The following METTL2B variants were observed in gnomAD, a reference collection of about 807,000 sequenced individuals.
METTL2B encodes methyltransferase 2B, tRNA N3-cytidine, also known as tRNA N(3)-cytidine methyltransferase METTL2B.
METTL2B carries 28 observed loss-of-function variants against 51.0 expected under a neutral mutation model. The observed-to-expected ratio is 0.55, with a 90% CI of 0.41 to 0.75. The LOEUF (loss-of-function observed/expected upper bound fraction) is 0.75, where lower values mean the gene tolerates loss of function less well. Among genes scored for constraint, METTL2B ranks in the 30% least tolerant of loss-of-function variants. The probability of loss-of-function intolerance (pLI) is 0.00; values close to 1 mark genes in which losing one functional copy is unlikely to be tolerated. For synonymous variants in METTL2B, 128 were observed against 166.3 expected (o/e 0.77, Z 1.77); for missense variants, 313 against 460.7 (o/e 0.68, Z 2.93).
chr7:128,493,213 T>C (rs1307386787), intron 5 of METTL2B, among the ~76,000 whole-genome samples: 2 of 152,154 alleles, frequency 1.3e-5, no homozygotes, highest in Admixed American at 1.3e-4. Flanking sequence ...TACTTTTTTT[T>C]TTTTCTTTTC....
chr7:128,493,817 A>G lies in METTL2B; in HGVS notation c.683A>G (p.Tyr228Cys), dbSNP rs532613589. Reference protein sequence around the residue: ...AIELVQTNSEYDPSRCFAFVH... With the variant: ...AIELVQTNSECDPSRCFAFVH... The stretch of plus-strand genomic sequence containing the variant: ...ACCTGTCTGCAGACAAATTCAGAAT[A>G]TGATCCTTCTCGGTGTTTTGCCTTT... Residue 228 changes from tyrosine to cysteine, a missense_variant, in exon 6 of 9, where the codon TAT becomes TGT. By Grantham distance (194) the Tyr-to-Cys change is radical. Coordinates refer to ENST00000262432, the MANE Select transcript of METTL2B (RefSeq NM_018396.3). 1.2e-6 allele frequency: 2 copies of G among 1,608,512 alleles called. No homozygotes were observed. Among genetic ancestry groups the G allele is most frequent in the East Asian group, 4.5e-5 (2 of 44,844 alleles).
intron 2 of METTL2B, among the ~76,000 whole-genome samples, chr7:128,478,347 T>C (rs1799829064): frequency 6.6e-6 from 1 of 151,328 alleles, no homozygotes; most frequent in Non-Finnish European, 1.5e-5. Context: ...TCCTCCCTGG[T>C]TGAAGCGATT....
Position 128,477,063 on chromosome 7 carries a change from G to T in METTL2B, c.111-19G>T. The stretch of plus-strand genomic sequence containing the variant: ...AGCCAGGACGTGAAGCCCCTAAGCT[G>T]CCCGTTTGATTTTCTCAGGGACAAT... On this transcript the variant is annotated intron_variant, in intron 1 of 8. Coordinates refer to ENST00000262432, the MANE Select transcript of METTL2B (RefSeq NM_018396.3). 1 of 1,614,164 alleles carries T rather than the reference G, an allele frequency of 6.2e-7. No individual in the cohort carries two copies.
chr7:128,479,884 T>C (rs982073673), intron 3 of METTL2B, among the ~76,000 whole-genome samples: 1 of 152,260 alleles, frequency 6.6e-6, no homozygotes, highest in African/African-American at 2.4e-5. Flanking sequence ...TCTCTTCTAA[T>C]ACAGTTACAG....
At chr7:128,495,924 C>G (rs1431829531) in intron 6 of METTL2B, among the ~76,000 whole-genome samples, 1 of 152,144 alleles carries the variant, frequency 6.6e-6, no homozygotes, top group African/African-American at 2.4e-5. Context: ...TTAGAGACTT[C>G]AAACATCTCC....
chr7:128,478,625 G>C (rs531360735), intron 2 of METTL2B, among the ~76,000 whole-genome samples: 17 of 146,068 alleles, frequency 1.2e-4, no homozygotes, highest in Admixed American at 6.3e-4. Context: ...AGCACTTTGA[G>C]AGGCTGAGGC....
chr7:128,492,797 T>G (rs1329840039), intron 5 of METTL2B, among the ~76,000 whole-genome samples: 1 of 151,842 alleles, frequency 6.6e-6, no homozygotes, highest in East Asian at 1.9e-4. Flanking sequence ...TTTGTATTTT[T>G]AGTGGAGACG....
At chr7:128,480,523 G>C (rs1270660631) in intron 3 of METTL2B, 124 bp from the exon 4 acceptor site, 1 of 1,443,262 alleles carries the variant, frequency 6.9e-7, no homozygotes, top group Non-Finnish European at 9.3e-7. Context: ...TTTAGCTCTG[G>C]TCACTACACC....
rs1194904489 is a variant in METTL2B at position 128,504,162 on chromosome 7, AT to A, written c.*2248del. On this transcript the variant is annotated 3_prime_UTR_variant, in exon 9 of 9. Transcript: ENST00000262432. ...ATCACAAGTAGGAATACATGGAAAC[AT>A]TAATGCCAGCCACTAACCATTCATG... 3.3e-5 allele frequency: 5 copies of A among 152,158 alleles called. No homozygotes were observed. Among genetic ancestry groups the A allele is most frequent in the Non-Finnish European group, 7.3e-5 (5 of 68,030 alleles). The allele number at this position is 152,158 out of a possible 1,614,324, so 9.4% of individuals were successfully genotyped here.
intron 1 of METTL2B, 97 bp from the exon 2 acceptor site, chr7:128,476,985 A>T: frequency 9.0e-7 from 1 of 1,111,028 alleles, no homozygotes; most frequent in Non-Finnish European, 1.3e-6. Flanking sequence ...GCCCTACCCG[A>T]GGCACTCTCC....
intron 5 of METTL2B, among the ~76,000 whole-genome samples, chr7:128,492,100 G>A (rs1245929564): frequency 6.6e-6 from 1 of 151,916 alleles, no homozygotes; most frequent in Non-Finnish European, 1.5e-5. Context: ...CTGGGCTCAA[G>A]TGATTCTCCC....
At chr7:128,496,401 A>C (rs1447614430) in intron 6 of METTL2B, among the ~76,000 whole-genome samples, 1 of 152,084 alleles carries the variant, frequency 6.6e-6, no homozygotes, top group African/African-American at 2.4e-5. Context: ...AAAATAAAAA[A>C]ATTAGCCAGG....
intron 6 of METTL2B, among the ~76,000 whole-genome samples, chr7:128,497,190 A>G (rs1199476475): frequency 6.6e-6 from 1 of 152,224 alleles, no homozygotes; most frequent in Non-Finnish European, 1.5e-5. Context: ...AGAACACTGC[A>G]TATGGAAAGC....
rs576317325 is a variant in METTL2B, at chr7:128,480,861, A to G, written c.608+165A>G. Among the ~76,000 whole-genome samples, 5 of 152,364 alleles carry G rather than the reference A, an allele frequency of 3.3e-5. No individual in the cohort carries two copies. The South Asian group carries it at 1.0e-3, about 32-fold the overall frequency. ...GGGCAATGTAGCAAGAAAAAAAAGT[A>G]AAGATTTTTTCAAAACTTGCTGCAT... is the stretch of plus-strand genomic sequence containing the variant. On this transcript the variant is annotated intron_variant, in intron 4 of 8. Coordinates refer to ENST00000262432, the MANE Select transcript of METTL2B (RefSeq NM_018396.3).
intron 1 of METTL2B, 24 bp downstream of exon 1, chr7:128,476,899 G>A (rs1233708170): frequency 6.2e-7 from 1 of 1,612,930 alleles, no homozygotes. Flanking sequence ...CCCCTCGCCC[G>A]GCCTGTCGCT....
intron 5 of METTL2B, among the ~76,000 whole-genome samples, chr7:128,492,703 G>A (rs1299046103): frequency 1.3e-5 from 2 of 151,898 alleles, no homozygotes; most frequent in East Asian, 3.9e-4. Context: ...TGCAAGCTCC[G>A]CCTCCCGGGT....
chr7:128,484,215 TC>T (rs1792641467), intron 4 of METTL2B: 6 of 129,150 alleles, frequency 4.6e-5, no homozygotes, highest in African/African-American at 1.5e-4. Context: ...ATTGCCTAGA[TC>T]CTTTTTTTTT....
chr7:128,479,441 T>C lies in METTL2B; in HGVS notation c.486T>C (p.Thr162=), dbSNP rs1245506818. 1 of 1,614,036 alleles carries C rather than the reference T, an allele frequency of 6.2e-7. No homozygotes were observed. The highest frequency in any genetic ancestry group is 8.5e-7 in the Non-Finnish European group (1 of 1,179,968). Residue 162 remains threonine, a synonymous_variant, in exon 3 of 9, where the codon ACT becomes ACC. Transcript: ENST00000262432. ...TQTPPVEENV[T]QKISDLEICA... ...CACCTCCTGTGGAGGAGAATGTAAC[T>C]CAGAAAATTAGTGACCTGGAAATTT... is the stretch of plus-strand genomic sequence containing the variant.
At chr7:128,483,602 T>C (rs1326623012) in intron 4 of METTL2B, among the ~76,000 whole-genome samples, 1 of 152,204 alleles carries the variant, frequency 6.6e-6, no homozygotes, top group Non-Finnish European at 1.5e-5. Context: ...AGTGCAGTGA[T>C]TCGATCTCGG....
Sources: allele counts gnomAD v4.1 joint callset (sites outside exome capture counted in the v4.1 genomes callset), GRCh38; gene constraint gnomAD v4.1.1; transcripts MANE v1.5; gene names NCBI Gene and HGNC (gene_info 2026-07-23, HGNC 2026-07-21).